FLNB: variants seen among roughly 807,000 people sequenced by gnomAD.
FLNB encodes the protein filamin-B.
In FLNB, 111 loss-of-function variants were observed where a neutral mutation model predicts 250.6. The observed-to-expected ratio is 0.44, with a 90% CI of 0.38 to 0.52. The LOEUF is 0.52. Ranked by LOEUF, FLNB falls within the 20% of genes least tolerant of loss-of-function variation. The pLI is 0.00. For synonymous variants in FLNB, 1,302 were observed against 1,372.1 expected (o/e 0.95, Z 1.13); for missense variants, 2,869 against 3,447.8 (o/e 0.83, Z 4.20).
chr3:58,126,695 T>C lies in FLNB; in HGVS notation c.4155T>C (p.Ala1385=). The C allele has an allele frequency of 6.2e-7, 1 of 1,614,000 alleles. No individual in the cohort carries two copies. Among genetic ancestry groups the C allele is most frequent in the Non-Finnish European group, 8.5e-7 (1 of 1,179,860 alleles). Residue 1385 remains alanine (A), a synonymous_variant, in exon 24 of 46, where the codon GCT becomes GCC. Transcript: ENST00000295956. ...CRDNKDGSCS[A]EYIPFAPGDY... The stretch of plus-strand genomic sequence containing the variant: ...ACAACAAGGATGGCAGCTGCAGTGC[T>C]GAGTACATTCCTTTCGCACCGGGGG...
At chr3:58,124,536 C>T (rs374203197) in intron 22 of FLNB, 31 bp downstream of exon 22, 14 of 1,611,884 alleles carry the variant, frequency 8.7e-6, no homozygotes, top group South Asian at 6.6e-5. Context: ...ACTGGACCCT[C>T]GTTCAGAGCT....
In FLNB at chr3:58,122,955, G is replaced by A. The variant is rs750066052; in HGVS notation, c.3127-138G>A. On this transcript the variant is annotated intron_variant, in intron 20 of 45. Coordinates refer to ENST00000295956, the MANE Select transcript of FLNB (RefSeq NM_001457.4). Reference sequence around the variant, plus strand: ...TGTTGTAGCTTTAACTCGTGTGCACGTGTGACACATAAAGCCCCAAGAGAA... The same window carrying A: ...TGTTGTAGCTTTAACTCGTGTGCACATGTGACACATAAAGCCCCAAGAGAA... The A allele has an allele frequency of 1.2e-4, 98 of 809,740 alleles. 1 individual carries two copies. The highest frequency in any genetic ancestry group is 8.7e-4 in the African/African-American group (52 of 59,522). The allele number at this position is 809,740 out of a possible 1,614,324, so 50.2% of individuals were successfully genotyped here. A position where few individuals can be genotyped will look rare whatever the true frequency, so the allele number is the denominator to read the frequency against.
intron 20 of FLNB, among the ~76,000 whole-genome samples, chr3:58,121,934 C>T (rs2097289366): frequency 6.6e-6 from 1 of 152,094 alleles, no homozygotes. Context: ...CTTTGGGAGG[C>T]CGAGGCGGGC....
At chr3:58,109,103 T>C in intron 13 of FLNB, 76 bp from the exon 14 acceptor site, 4 of 1,590,270 alleles carry the variant, frequency 2.5e-6, no homozygotes, top group Non-Finnish European at 3.4e-6. Context: ...TTGGCTGTCT[T>C]GGGAGGCCAC....
intron 1 of FLNB, among the ~76,000 whole-genome samples, chr3:58,018,444 C>T (rs377732740): frequency 2.1e-5 from 3 of 146,330 alleles, no homozygotes; most frequent in Non-Finnish European, 4.5e-5. Flanking sequence ...AAGTGATTCT[C>T]ATGCCACAGC....
At chr3:58,095,008 C>T in intron 5 of FLNB, 54 bp downstream of exon 5, 1 of 1,355,998 alleles carries the variant, frequency 7.4e-7, no homozygotes, top group South Asian at 1.2e-5. Context: ...GCTTTTGGGG[C>T]TTGTAATGCG....
intron 1 of FLNB, among the ~76,000 whole-genome samples, chr3:58,019,480 C>T (rs2097110578): frequency 1.3e-5 from 2 of 152,206 alleles, no homozygotes; most frequent in Admixed American, 6.5e-5. Flanking sequence ...TTTAGGTTGA[C>T]ATCTGTTTCC....
chr3:58,087,597 C>T (rs910003883), intron 4 of FLNB, among the ~76,000 whole-genome samples: 17 of 151,678 alleles, frequency 1.1e-4, no homozygotes, highest in African/African-American at 3.6e-4. Flanking sequence ...GGATTACAGG[C>T]GCCCACCACC....
At position 58,130,811 on chromosome 3, in the gene FLNB, G is replaced by A. The variant is rs2097306111; in HGVS notation, c.4293G>A (p.Leu1431=). Residue 1431 remains leucine, a synonymous_variant, in exon 25 of 46, where the codon CTG becomes CTA. Transcript: ENST00000295956. ...PSKVKIAGPG[L]GSGVRARVLQ... The stretch of plus-strand genomic sequence containing the variant: ...AGGTCAAGATTGCCGGCCCCGGGCT[G>A]GGCTCAGGCGTCCGAGCCCGTGTCC... 6.2e-7 allele frequency: 1 copy of A among 1,613,890 alleles called. No individual in the cohort carries two copies. The highest frequency in any genetic ancestry group is 8.5e-7 in the Non-Finnish European group (1 of 1,179,944).
chr3:58,014,979 G>A (rs539407316), intron 1 of FLNB, among the ~76,000 whole-genome samples: 4 of 152,106 alleles, frequency 2.6e-5, no homozygotes, highest in South Asian at 2.1e-4. Context: ...CACCTGCCTC[G>A]GCCTCCCAAA....
chr3:58,108,678 C>T (rs934616434), intron 13 of FLNB, 107 bp downstream of exon 13: 15 of 732,528 alleles, frequency 2.0e-5, no homozygotes, highest in East Asian at 5.3e-5. Flanking sequence ...TCATCTGCAC[C>T]GTGGAAATGA....
At chr3:58,036,334 C>T (rs1414592924) in intron 1 of FLNB, among the ~76,000 whole-genome samples, 1 of 152,194 alleles carries the variant, frequency 6.6e-6, no homozygotes, top group Non-Finnish European at 1.5e-5. Context: ...TTTATTGTTA[C>T]TGAAATCAGT....
rs767591083 is a variant in FLNB at position 58,117,516 on chromosome 3, GC to G, written c.2746-1352del. 1.0e-3 allele frequency among the ~76,000 whole-genome samples: 152 copies of G among 152,270 alleles called. 2 individuals carry two copies. The highest frequency in any genetic ancestry group is 1.0e-3 in the South Asian group (5 of 4,820). ...GGTTAGCCTGAGGTCTGCTTAGTGA[GC>G]CCCTGAATTGTTAGGGGCTGTGGGG... is the stretch of plus-strand genomic sequence containing the variant. On this transcript the variant is annotated intron_variant, in intron 18 of 45. Transcript: ENST00000295956.
chr3:58,103,004 G>A (rs1221421323), intron 9 of FLNB, among the ~76,000 whole-genome samples: 1 of 152,200 alleles, frequency 6.6e-6, no homozygotes, highest in Non-Finnish European at 1.5e-5. Flanking sequence ...AGTCTCGGGT[G>A]TAGCAGCCTT....
chr3:58,020,096 TTGA>T (rs2097111603), intron 1 of FLNB, among the ~76,000 whole-genome samples: 1 of 114,754 alleles, frequency 8.7e-6, no homozygotes, highest in Non-Finnish European at 1.9e-5. Context: ...TGTGTGTGTG[TTGA>T]GGGGAGTGTT....
chr3:58,153,705 C>G, intron 39 of FLNB, 64 bp downstream of exon 39: 1 of 1,586,862 alleles, frequency 6.3e-7, no homozygotes, highest in South Asian at 1.1e-5. Context: ...AGTGTGGGCA[C>G]CCACATACTT....
chr3:58,028,288 AAACG>A (rs1415327499), intron 1 of FLNB, among the ~76,000 whole-genome samples: 1 of 152,192 alleles, frequency 6.6e-6, no homozygotes, highest in African/African-American at 2.4e-5. Context: ...TATTGAATAC[AAACG>A]AAGATCGAAC....
At position 58,148,767 on chromosome 3, in the gene FLNB, C is replaced by T; in HGVS notation, c.6006C>T (p.Ala2002=). Residue 2002 remains alanine (A), a synonymous_variant, in exon 36 of 46, where the codon GCC becomes GCT. Coordinates refer to ENST00000295956, the MANE Select transcript of FLNB (RefSeq NM_001457.4). ...IMVVQSEIGD[A]RRAKVYGRGL... ...TGGTCCAGTCGGAGATTGGTGACGCCCGCCGAGCCAAAGTCTATGGCCGCG... is the reference window on the plus strand; with the variant it reads ...TGGTCCAGTCGGAGATTGGTGACGCTCGCCGAGCCAAAGTCTATGGCCGCG... The T allele has an allele frequency of 6.2e-7, 1 of 1,614,076 alleles. No individual in the cohort carries two copies. The highest frequency in any genetic ancestry group is 8.5e-7 in the Non-Finnish European group (1 of 1,180,028).
Position 58,112,270 on chromosome 3 carries a change from C to T in FLNB, c.2697C>T (p.Ile899=), listed in dbSNP as rs755784561. 2.4e-5 allele frequency: 39 copies of T among 1,613,840 alleles called. No individual in the cohort carries two copies. The highest frequency in any genetic ancestry group is 3.3e-5 in the South Asian group (3 of 91,072). ...PGDAVKDLDI[I]DNYDYSHTVK... ...ATGCAGTGAAGGATTTGGATATCAT[C>T]GATAATTATGACTACTCTCACACGG... Residue 899 remains isoleucine (I), a synonymous_variant, in exon 18 of 46, where the codon ATC becomes ATT. Transcript: ENST00000295956.
Sources: allele counts gnomAD v4.1 joint callset (sites outside exome capture counted in the v4.1 genomes callset), GRCh38; gene constraint gnomAD v4.1.1; transcripts MANE v1.5; gene names NCBI Gene and HGNC (gene_info 2026-07-23, HGNC 2026-07-21).